RCL1: variants seen among roughly 807,000 people sequenced by gnomAD.
RCL1 encodes the protein RNA terminal phosphate cyclase like 1.
In RCL1, 24 loss-of-function variants were observed where a neutral mutation model predicts 42.4. That is an observed-to-expected ratio of 0.57 (90% CI 0.41 to 0.80). The LOEUF (loss-of-function observed/expected upper bound fraction) is 0.80, where lower values mean the gene tolerates loss of function less well. Ranked by LOEUF, RCL1 falls within the 30% of genes least tolerant of loss-of-function variation. RCL1 has a pLI of 0.00. For missense variants in RCL1, 578 were observed against 467.9 expected (o/e 1.24, Z -2.17); for synonymous variants, 228 against 177.3 (o/e 1.29, Z -2.27).
chr9:4,796,865 A>T (rs900939256), intron 1 of RCL1, among the ~76,000 whole-genome samples: 14 of 152,102 alleles, frequency 9.2e-5, no homozygotes, highest in Non-Finnish European at 8.8e-5. Context: ...TTGTATAATG[A>T]TGTCTTTTCC....
intron 2 of RCL1, among the ~76,000 whole-genome samples, chr9:4,826,460 C>A (rs932313461): frequency 3.5e-5 from 3 of 85,226 alleles, no homozygotes; most frequent in African/African-American, 1.3e-4. Flanking sequence ...ATTTCAGGGG[C>A]CCTAGAGGAT....
In RCL1 at chr9:4,812,567, G is replaced by A. The variant is rs542471221; in HGVS notation, c.137-10981G>A. ...AGTTTGTAGTATATTTCAAAGTCAC[G>A]TAGTGTAATGCCTCTTGCTTTGTTC... On this transcript the variant is annotated intron_variant, in intron 1 of 8. Coordinates refer to ENST00000381750, the MANE Select transcript of RCL1 (RefSeq NM_005772.5). 8.5e-5 allele frequency among the ~76,000 whole-genome samples: 13 copies of A among 152,200 alleles called. No homozygotes were observed. In the South Asian group the frequency reaches 1.7e-3, roughly 19 times the overall value.
At chr9:4,793,286 A>T in intron 1 of RCL1, 59 bp downstream of exon 1, 1 of 1,519,342 alleles carries the variant, frequency 6.6e-7, no homozygotes, top group South Asian at 1.2e-5. Flanking sequence ...GACCGAGCTG[A>T]TGCCGTGGGG....
intron 1 of RCL1, chr9:4,803,651 G>C (rs10974793): frequency 0.31 from 47,670 of 151,788 alleles, 7,789 homozygotes; most frequent in South Asian, 0.42. Flanking sequence ...CAAGTTGACT[G>C]AGTTCAGCAC....
At chr9:4,794,453 T>C (rs1421940631) in intron 1 of RCL1, among the ~76,000 whole-genome samples, 1 of 152,224 alleles carries the variant, frequency 6.6e-6, no homozygotes, top group Admixed American at 6.5e-5. Flanking sequence ...AAATGGTTTA[T>C]GCCACGACTT....
Position 4,793,109 on chromosome 9 carries a change from C to T in RCL1, c.18C>T (p.His6=). The T allele has an allele frequency of 6.2e-7, 1 of 1,609,524 alleles. No homozygotes were observed. ...GCGCGCACATGGCGACTCAGGCGCA[C>T]TCCCTCAGCTACGCAGGGTGCAACT... The part of the protein sequence containing the change: MATQA[H]SLSYAGCNFL... The change falls in exon 1 of 9, where the codon CAC becomes CAT. Residue 6 remains histidine (H), a synonymous_variant. Coordinates refer to ENST00000381750, the MANE Select transcript of RCL1 (RefSeq NM_005772.5).
At chr9:4,804,631 C>G (rs957435784) in intron 1 of RCL1, 1 of 153,168 alleles carries the variant, frequency 6.5e-6, no homozygotes, top group African/African-American at 2.4e-5. Context: ...GTAGAGGAGG[C>G]CTCCGCCGGT....
chr9:4,832,579 G>A (rs1435161258), intron 3 of RCL1, among the ~76,000 whole-genome samples: 1 of 152,012 alleles, frequency 6.6e-6, no homozygotes, highest in East Asian at 1.9e-4. Context: ...GGGAGGCTGA[G>A]GTGGCAGATT....
chr9:4,824,374 A>ATTTTTTTTTTTTTTTTTTTTTTTTTTTT (rs71326141), intron 2 of RCL1, among the ~76,000 whole-genome samples: 1 of 120,298 alleles, frequency 8.3e-6, no homozygotes, highest in African/African-American at 3.1e-5. Context: ...TTCAGCCAGC[A>ATTTTTTTTTTTTTTTTTTTTTTTTTTTT]TTTTTTTTTT....
intron 1 of RCL1, among the ~76,000 whole-genome samples, chr9:4,814,943 C>G (rs1005630638): frequency 6.6e-6 from 1 of 151,600 alleles, no homozygotes; most frequent in Non-Finnish European, 1.5e-5. Flanking sequence ...ATCTTATTCT[C>G]TCATGGTCTA....
intron 5 of RCL1, among the ~76,000 whole-genome samples, chr9:4,835,810 T>A (rs1172016185): frequency 6.6e-6 from 1 of 152,252 alleles, no homozygotes; most frequent in African/African-American, 2.4e-5. Flanking sequence ...GAGACTGTCA[T>A]GAAGGTAAAA....
rs187939043 is a variant in RCL1 at position 4,848,935 on chromosome 9, G to C, written c.868-512G>C. Among the ~76,000 whole-genome samples, 306 of 152,262 alleles carry C rather than the reference G, an allele frequency of 2.0e-3. 2 individuals are homozygous for C. The highest frequency in any genetic ancestry group is 3.4e-3 in the Non-Finnish European group (228 of 68,028). ...GAGAGAAGTTAATAGAGTATGGCAA[G>C]CAGTTTCCTGAATGTATTTGAATAA... On this transcript the variant is annotated intron_variant, in intron 7 of 8. Coordinates refer to ENST00000381750, the MANE Select transcript of RCL1 (RefSeq NM_005772.5).
chr9:4,827,410 A>G, intron 3 of RCL1: 2 of 531,634 alleles, frequency 3.8e-6, no homozygotes, highest in Non-Finnish European at 6.6e-6. Flanking sequence ...TTTGGGCAGG[A>G]GATCATAGCT....
At chr9:4,856,815 C>T (rs922158582) in intron 8 of RCL1, among the ~76,000 whole-genome samples, 10 of 152,140 alleles carry the variant, frequency 6.6e-5, no homozygotes, top group Admixed American at 2.0e-4. Context: ...GAACTCCTGC[C>T]CTCTAGGGTT....
intron 1 of RCL1, among the ~76,000 whole-genome samples, chr9:4,819,661 G>T (rs1020662407): frequency 1.3e-5 from 2 of 152,290 alleles, no homozygotes; most frequent in Admixed American, 1.3e-4. Flanking sequence ...ACAAAAATTA[G>T]CTGGGCGTGG....
chr9:4,834,775 C>G (rs1817066384), intron 5 of RCL1, among the ~76,000 whole-genome samples: 1 of 152,192 alleles, frequency 6.6e-6, no homozygotes, highest in South Asian at 2.1e-4. Flanking sequence ...TACTCTGCAT[C>G]TACTTCAGTA....
chr9:4,845,651 C>T (rs1368950483), intron 7 of RCL1, among the ~76,000 whole-genome samples: 1 of 152,126 alleles, frequency 6.6e-6, no homozygotes, highest in African/African-American at 2.4e-5. Flanking sequence ...TGCCTTGGTC[C>T]CACATCAAGA....
At chr9:4,840,482 C>G (rs1406199248) in intron 5 of RCL1, among the ~76,000 whole-genome samples, 1 of 152,110 alleles carries the variant, frequency 6.6e-6, no homozygotes, top group African/African-American at 2.4e-5. Flanking sequence ...CAATAATTTC[C>G]ATTTCCTCAA....
In RCL1 at chr9:4,805,393, A is replaced by AAGG. The variant is rs199995387; in HGVS notation, c.136+12168_136+12169insGAG. On this transcript the variant is annotated intron_variant, in intron 1 of 8. Coordinates refer to ENST00000381750, the MANE Select transcript of RCL1 (RefSeq NM_005772.5). ...CTTCCAGCCTGTCTCTAAAAAGAAG[A>AAGG]AGAAGGAGAAGGGGAAGGGGAAGGG... 9.4e-5 allele frequency among the ~76,000 whole-genome samples: 9 copies of AAGG among 95,478 alleles called. No homozygotes were observed. In the East Asian group the frequency reaches 1.9e-3, roughly 21 times the overall value. 62.6% of individuals were successfully genotyped at this position (95,478 alleles called of 152,430 possible). A position where few individuals can be genotyped will look rare whatever the true frequency, so the allele number is the denominator to read the frequency against.
Sources: allele counts gnomAD v4.1 joint callset (sites outside exome capture counted in the v4.1 genomes callset), GRCh38; gene constraint gnomAD v4.1.1; transcripts MANE v1.5; gene names NCBI Gene and HGNC (gene_info 2026-07-23, HGNC 2026-07-21).